Variants in DYRK3 observed in about 807,000 individuals in gnomAD.
The protein encoded by DYRK3 is dual specificity tyrosine phosphorylation regulated kinase 3.
A neutral mutation model predicts 40.8 loss-of-function variants in DYRK3; 30 were observed. The observed-to-expected ratio is 0.74, with a 90% CI of 0.55 to 1.00. The LOEUF is 1.00. Among genes scored for constraint, DYRK3 ranks in the 50% least tolerant of loss-of-function variants. The pLI, the probability that DYRK3 is intolerant of heterozygous loss-of-function variation, is 0.00. For synonymous variants in DYRK3, 272 were observed against 260.7 expected (o/e 1.04, Z -0.42); for missense variants, 699 against 731.5 (o/e 0.96, Z 0.51).
rs1408697869 is a variant in DYRK3, at chr1:206,648,888, A to G, written c.1690A>G (p.Lys564Glu). 6.2e-7 allele frequency: 1 copy of G among 1,614,112 alleles called. No individual in the cohort carries two copies. Among genetic ancestry groups the G allele is most frequent in the Non-Finnish European group, 8.5e-7 (1 of 1,180,050 alleles). ...GCCTCCAGTTGTTGGAATAGCCAAT[A>G]AGCTTAAAGCTAACTTAATGTCAGA... is the stretch of plus-strand genomic sequence containing the variant. Reference protein sequence around the residue: ...KLPPVVGIANKLKANLMSETN... With the variant: ...KLPPVVGIANELKANLMSETN... The change falls in exon 3 of 3, where the codon AAG (lysine) becomes GAG (glutamate). Residue 564 changes from lysine (K) to glutamate (E), a missense_variant. Coordinates refer to ENST00000367109, the MANE Select transcript of DYRK3 (RefSeq NM_003582.4).
In DYRK3 at chr1:206,648,848, A is replaced by G. The variant is rs1553420892; in HGVS notation, c.1650A>G (p.Gly550=). Residue 550 remains glycine, a synonymous_variant, in exon 3 of 3, where the codon GGA becomes GGG. Transcript: ENST00000367109. The stretch of plus-strand genomic sequence containing the variant: ...TTAATCCTGCAAGTGCTTTCCAGGG[A>G]TTGGGTTCTAAGCTGCCTCCAGTTG... ...RVVNPASAFQ[G]LGSKLPPVVG... 3 of 1,614,050 alleles carry G rather than the reference A, an allele frequency of 1.9e-6. No homozygotes were observed. In the African/African-American group the frequency reaches 4.0e-5, roughly 22 times the overall value.
In DYRK3 at chr1:206,651,686, A is replaced by G. The variant is rs782180792; in HGVS notation, c.*2721A>G. On this transcript the variant is annotated 3_prime_UTR_variant, in exon 3 of 3. Coordinates refer to ENST00000367109, the MANE Select transcript of DYRK3 (RefSeq NM_003582.4). ...ATATCGAGTCCTTGAACTGCTAGCC[A>G]GGTAGATGTTTCCTTGAAGTCCAGA... is the stretch of plus-strand genomic sequence containing the variant. Among the ~76,000 whole-genome samples the G allele has an allele frequency of 6.6e-6, 1 of 152,214 alleles. No homozygotes were observed. The highest frequency in any genetic ancestry group is 1.5e-5 in the Non-Finnish European group (1 of 68,036).
At chr1:206,638,279 T>TTG (rs1553418703) in intron 2 of DYRK3, among the ~76,000 whole-genome samples, 1 of 134,402 alleles carries the variant, frequency 7.4e-6, no homozygotes, top group Admixed American at 7.9e-5. Context: ...GCTTTTTTTT[T>TTG]TTTTTTTTTT....
Position 206,653,852 on chromosome 1 carries a change from G to T in DYRK3, c.*4887G>T, listed in dbSNP as rs190567070. Among the ~76,000 whole-genome samples the T allele has an allele frequency of 1.2e-4, 19 of 152,268 alleles. No homozygotes were observed. The highest frequency in any genetic ancestry group is 1.2e-3 in the Admixed American group (19 of 15,294). On this transcript the variant is annotated 3_prime_UTR_variant, in exon 3 of 3. Transcript: ENST00000367109. ...TATGCTTTATTCCTTGGTGTTTAAGGGAGTTGGGGCAGACAGGTTAGCTGG... is the reference window on the plus strand; with the variant it reads ...TATGCTTTATTCCTTGGTGTTTAAGTGAGTTGGGGCAGACAGGTTAGCTGG...
chr1:206,643,835 G>A (rs1184379986), intron 2 of DYRK3, among the ~76,000 whole-genome samples: 1 of 151,914 alleles, frequency 6.6e-6, no homozygotes, highest in African/African-American at 2.4e-5. Flanking sequence ...GAAGGGGAAG[G>A]GTGTATAGGA....
chr1:206,639,214 G>C (rs79542676), intron 2 of DYRK3, among the ~76,000 whole-genome samples: 1 of 152,134 alleles, frequency 6.6e-6, no homozygotes, highest in East Asian at 1.9e-4. Context: ...TATACAAAAC[G>C]TGAGCTAAAA....
chr1:206,654,177 C>T lies in DYRK3; in HGVS notation c.*5212C>T, dbSNP rs537758540. 1.1e-4 allele frequency among the ~76,000 whole-genome samples: 16 copies of T among 152,228 alleles called. No individual in the cohort carries two copies. The highest frequency in any genetic ancestry group is 3.9e-4 in the African/African-American group (16 of 41,534). On this transcript the variant is annotated 3_prime_UTR_variant, in exon 3 of 3. Coordinates refer to ENST00000367109, the MANE Select transcript of DYRK3 (RefSeq NM_003582.4). Reference sequence around the variant, plus strand: ...CCTTTATTTTTAATTATTTCTTTTCCATCTGTTATTGATGTCATCAACACG... The same window carrying T: ...CCTTTATTTTTAATTATTTCTTTTCTATCTGTTATTGATGTCATCAACACG...
chr1:206,646,635 G>A (rs1671463678), intron 2 of DYRK3, among the ~76,000 whole-genome samples: 1 of 152,102 alleles, frequency 6.6e-6, no homozygotes. Context: ...ATTTATATGG[G>A]GACCTGGGAG....
At position 206,635,755 on chromosome 1, in the gene DYRK3, G is replaced by T. The variant is rs960463253; in HGVS notation, c.52G>T (p.Ala18Ser). Residue 18 changes from alanine (A) to serine (S), a missense_variant, in exon 1 of 3, where the codon GCC (alanine) becomes TCC (serine). Transcript: ENST00000367109. ...PGRKDAGPPG[A>S]GLPPQQRRLG... ...GCGGAAGGATGCGGGGCCGCCTGGG[G>T]CCGGGCTCCCGCCCCAGCAGCGGAG... The T allele has an allele frequency of 1.1e-5, 14 of 1,244,876 alleles. No individual in the cohort carries two copies. Among genetic ancestry groups the T allele is most frequent in the Non-Finnish European group, 1.3e-5 (13 of 989,072 alleles). The allele number at this position is 1,244,876 out of a possible 1,614,324, so 77.1% of individuals were successfully genotyped here.
chr1:206,647,299 C>A, intron 2 of DYRK3, 89 bp from the exon 3 acceptor site: 2 of 1,296,544 alleles, frequency 1.5e-6, no homozygotes, highest in Non-Finnish European at 2.1e-6. Flanking sequence ...CATGACTGGA[C>A]ATGTTTTGTT....
Position 206,649,462 on chromosome 1 carries a change from C to T in DYRK3, c.*497C>T, listed in dbSNP as rs1050850009. Among the ~76,000 whole-genome samples the T allele has an allele frequency of 6.6e-6, 1 of 152,178 alleles. No homozygotes were observed. The highest frequency in any genetic ancestry group is 2.4e-5 in the African/African-American group (1 of 41,446). On this transcript the variant is annotated 3_prime_UTR_variant, in exon 3 of 3. Transcript: ENST00000367109. ...CAGCAGACTGTGGGGTGGGGGAGCA[C>T]CAGGAAGCTGTTGGTGACCTGGACA... is the stretch of plus-strand genomic sequence containing the variant.
intron 1 of DYRK3, chr1:206,636,350 T>A (rs1297926357): frequency 1.2e-5 from 2 of 169,498 alleles, no homozygotes; most frequent in African/African-American, 4.8e-5. Flanking sequence ...GCATGCAGAC[T>A]CTTGTTAATT....
At chr1:206,644,192 A>G (rs1177607023) in intron 2 of DYRK3, among the ~76,000 whole-genome samples, 1 of 151,676 alleles carries the variant, frequency 6.6e-6, no homozygotes, top group African/African-American at 2.4e-5. Flanking sequence ...ACACTACCAC[A>G]CCTGGCTAAT....
intron 2 of DYRK3, among the ~76,000 whole-genome samples, chr1:206,639,418 G>A (rs944685215): frequency 4.0e-5 from 6 of 151,090 alleles, no homozygotes; most frequent in African/African-American, 1.5e-4. Flanking sequence ...GAAACTATTT[G>A]CAATTGGGTT....
At chr1:206,646,765 CCAGAAGA>C (rs1671467370) in intron 2 of DYRK3, among the ~76,000 whole-genome samples, 1 of 152,144 alleles carries the variant, frequency 6.6e-6, no homozygotes. Context: ...TGAATAGGAG[CCAGAAGA>C]CCTATTCTGG....
At chr1:206,637,564 C>A in intron 1 of DYRK3, 86 bp from the exon 2 acceptor site, 1 of 861,676 alleles carries the variant, frequency 1.2e-6, no homozygotes, top group Non-Finnish European at 1.9e-6. Flanking sequence ...TATTACTGTT[C>A]CTTGTAGCAG....
At chr1:206,640,692 A>G (rs1284003767) in intron 2 of DYRK3, among the ~76,000 whole-genome samples, 1 of 151,892 alleles carries the variant, frequency 6.6e-6, no homozygotes, top group Non-Finnish European at 1.5e-5. Flanking sequence ...CTGGGACTAC[A>G]GGCACCCACC....
intron 2 of DYRK3, among the ~76,000 whole-genome samples, chr1:206,643,947 A>T (rs926357905): frequency 1.3e-5 from 2 of 151,584 alleles, no homozygotes; most frequent in Admixed American, 6.6e-5. Flanking sequence ...AATTTGATTC[A>T]CACAACATCC....
At chr1:206,635,949 C>T (rs1043616836) in intron 1 of DYRK3, 169 bp downstream of exon 1, 6 of 1,322,126 alleles carry the variant, frequency 4.5e-6, no homozygotes, top group African/African-American at 4.5e-5. Context: ...TATCAGGGCC[C>T]CCTCCCCCCA....
Sources: allele counts gnomAD v4.1 joint callset (sites outside exome capture counted in the v4.1 genomes callset), GRCh38; gene constraint gnomAD v4.1.1; transcripts MANE v1.5; gene names NCBI Gene and HGNC (gene_info 2026-07-23, HGNC 2026-07-21).